ANK3: variants seen among roughly 807,000 people sequenced by gnomAD.
The protein encoded by ANK3 is ankyrin 3, also known as ankyrin-3.
In ANK3, 57 loss-of-function variants were observed where a neutral mutation model predicts 370.9. That is an observed-to-expected ratio of 0.15 (90% CI 0.12 to 0.19). The LOEUF (loss-of-function observed/expected upper bound fraction) is 0.19. Among genes scored for constraint, ANK3 ranks in the 10% least tolerant of loss-of-function variants. ANK3 has a pLI of 1.00. For synonymous variants in ANK3, 1,929 were observed against 1,946.3 expected (o/e 0.99, Z 0.23); for missense variants, 4,439 against 5,302.1 (o/e 0.84, Z 5.06).
intron 1 of ANK3, among the ~76,000 whole-genome samples, chr10:60,375,198 A>G (rs952263576): frequency 2.6e-5 from 4 of 152,176 alleles, no homozygotes; most frequent in Non-Finnish European, 2.9e-5. Flanking sequence ...GCTCTAGTAC[A>G]TTACAAGTAA....
At chr10:60,375,365 C>T (rs2060635862) in intron 1 of ANK3, among the ~76,000 whole-genome samples, 1 of 152,152 alleles carries the variant, frequency 6.6e-6, no homozygotes, top group African/African-American at 2.4e-5. Context: ...TATGAGCACT[C>T]TTACCAGAAT....
chr10:60,665,770 T>C (rs2078988348), intron 1 of ANK3, among the ~76,000 whole-genome samples: 1 of 152,236 alleles, frequency 6.6e-6, no homozygotes, highest in Non-Finnish European at 1.5e-5. Flanking sequence ...TCAACCACCG[T>C]GTAATAACAT....
At chr10:60,713,673 T>C (rs980469365) in intron 1 of ANK3, among the ~76,000 whole-genome samples, 1 of 152,108 alleles carries the variant, frequency 6.6e-6, no homozygotes, top group African/African-American at 2.4e-5. Flanking sequence ...GCAGATCACC[T>C]GAGGTCAGGA....
intron 1 of ANK3, among the ~76,000 whole-genome samples, chr10:60,730,534 T>C (rs1404660855): frequency 6.6e-6 from 1 of 152,206 alleles, no homozygotes; most frequent in Admixed American, 6.5e-5. Context: ...GAAAGTAGAC[T>C]ATATTAAAAC....
intron 28 of ANK3, among the ~76,000 whole-genome samples, chr10:60,094,212 C>T (rs533528424): frequency 1.6e-4 from 21 of 130,086 alleles, no homozygotes; most frequent in South Asian, 5.0e-4. Flanking sequence ...TGGACAGGGT[C>T]TCACTCACTC....
At chr10:60,086,267 A>G (rs1463658416) in intron 30 of ANK3, among the ~76,000 whole-genome samples, 1 of 152,170 alleles carries the variant, frequency 6.6e-6, no homozygotes, top group Non-Finnish European at 1.5e-5. Flanking sequence ...TCTGTGGGAC[A>G]TGTATTTTTC....
intron 1 of ANK3, among the ~76,000 whole-genome samples, chr10:60,371,616 T>G (rs913579053): frequency 3.9e-5 from 6 of 152,354 alleles, no homozygotes; most frequent in African/African-American, 9.6e-5. Flanking sequence ...TTTGTTCTTT[T>G]TATGTCCTTC....
intron 6 of ANK3, 50 bp from the exon 7 acceptor site, chr10:60,262,007 C>T (rs1350462739): frequency 6.8e-7 from 1 of 1,478,838 alleles, no homozygotes; most frequent in Non-Finnish European, 9.4e-7. Flanking sequence ...CAGCCCCCTG[C>T]CTGACAGGCA....
chr10:60,725,728 G>T (rs962209882), intron 1 of ANK3, among the ~76,000 whole-genome samples: 1 of 152,042 alleles, frequency 6.6e-6, no homozygotes, highest in Non-Finnish European at 1.5e-5. Context: ...ATAAATAGCT[G>T]CTTACAAAGG....
At chr10:60,308,415 A>G (rs972342883) in intron 1 of ANK3, among the ~76,000 whole-genome samples, 1 of 149,096 alleles carries the variant, frequency 6.7e-6, no homozygotes, top group African/African-American at 2.5e-5. Flanking sequence ...AGCTGGGACT[A>G]CAGGCGTGCA....
chr10:60,393,720 C>G (rs1418755309), upstream of ANK3, among the ~76,000 whole-genome samples: 2 of 152,156 alleles, frequency 1.3e-5, no homozygotes, highest in Non-Finnish European at 2.9e-5. Context: ...CTTGACTACT[C>G]TCTCTTGTCA....
At chr10:60,258,504 G>A (rs191582177) in intron 7 of ANK3, among the ~76,000 whole-genome samples, 56 of 152,288 alleles carry the variant, frequency 3.7e-4, no homozygotes, top group Admixed American at 2.9e-3. Flanking sequence ...ATTCACCACT[G>A]ACTGGGACCT....
intron 1 of ANK3, among the ~76,000 whole-genome samples, chr10:60,694,559 C>T (rs2079413412): frequency 6.6e-6 from 1 of 152,256 alleles, no homozygotes; most frequent in South Asian, 2.1e-4. Context: ...TCAGCAGAAA[C>T]TCTACAAGCC....
In ANK3 at chr10:60,447,289, G is replaced by A. The variant is rs543819470; in HGVS notation, c.97-167650C>T. Among the ~76,000 whole-genome samples, 3 of 152,310 alleles carry A rather than the reference G, an allele frequency of 2.0e-5. No individual in the cohort carries two copies. In the East Asian group the frequency reaches 5.8e-4, roughly 29 times the overall value. On this transcript the variant is annotated intron_variant, in intron 2 of 43. Transcript: ENST00000373827. ...ACAGCCTGCGACAAAGGGGTATCAG[G>A]ACAAATGGAGAGTAGAGATAAAGTA...
intron 1 of ANK3, among the ~76,000 whole-genome samples, chr10:60,368,442 G>C (rs1418306460): frequency 6.6e-6 from 1 of 152,056 alleles, no homozygotes; most frequent in Non-Finnish European, 1.5e-5. Flanking sequence ...CTCAGTGCGG[G>C]GGGTGTACTG....
intron 2 of ANK3, among the ~76,000 whole-genome samples, chr10:60,408,714 G>A (rs1303602983): frequency 6.6e-6 from 1 of 152,148 alleles, no homozygotes; most frequent in Non-Finnish European, 1.5e-5. Context: ...GGGGACCAAA[G>A]TGCTATCTCA....
chr10:60,279,555 T>C lies in ANK3; in HGVS notation c.199A>G (p.Ile67Val), dbSNP rs753653601. ...ALDYIKNGVD[I>V]NICNQNGLNA... ...CAGCTAACCTGATTGCAAATGTTGA[T>C]GTCAACTCCATTTTTTATGTAGTCG... Residue 67 changes from isoleucine to valine, a missense_variant, in exon 2 of 44, where the codon ATC (isoleucine) becomes GTC (valine). Physicochemically the swap from Ile to Val is conservative, Grantham distance 29 (BLOSUM62 3). Around this residue, in one of 13 missense-constraint regions of ANK3, gnomAD observed 136 missense variants for 230.5 expected, o/e 0.59. Transcript: ENST00000280772. The C allele has an allele frequency of 1.4e-5, 23 of 1,610,156 alleles. No homozygotes were observed. In the African/African-American group the frequency reaches 2.5e-4, roughly 18 times the overall value.
intron 1 of ANK3, among the ~76,000 whole-genome samples, chr10:60,326,059 C>A (rs1377996349): frequency 6.6e-6 from 1 of 152,040 alleles, no homozygotes; most frequent in Non-Finnish European, 1.5e-5. Context: ...TTCTCACTTA[C>A]AAGTGGGAGC....
intron 4 of ANK3, among the ~76,000 whole-genome samples, chr10:60,278,431 G>A (rs1050136896): frequency 6.6e-6 from 1 of 152,136 alleles, no homozygotes; most frequent in Non-Finnish European, 1.5e-5. Flanking sequence ...CTGGAGTACA[G>A]TGGTGCAATC....
Sources: gnomAD v4.1 joint callset for allele counts (sites outside exome capture counted in the v4.1 genomes callset) on GRCh38, gnomAD v4.1.1 for gene constraint, gnomAD v4.1.1 regional missense constraint, MANE v1.5 for transcripts, NCBI Gene and HGNC (gene_info 2026-07-23, HGNC 2026-07-21) for gene names.